The following HIVEP3 variants were observed in gnomAD, a reference collection of about 807,000 sequenced individuals.
The protein encoded by HIVEP3 is HIVEP zinc finger 3, also known as transcription factor HIVEP3.
A neutral mutation model predicts 152.8 loss-of-function variants in HIVEP3; 49 were observed. The observed-to-expected ratio is 0.32, with a 90% confidence interval of 0.26 to 0.41. HIVEP3 has a LOEUF of 0.41. Ranked by LOEUF, HIVEP3 falls within the 10% of genes least tolerant of loss-of-function variation. HIVEP3 has a pLI of 1.00. For synonymous variants in HIVEP3, 1,269 were observed against 1,289.0 expected, an observed-to-expected ratio of 0.98 and a Z score of 0.33; for missense variants, 2,790 against 3,103.3, an observed-to-expected ratio of 0.90 and a Z score of 2.40.
At chr1:41,549,857 G>A (rs1321655833) in intron 5 of HIVEP3, among the ~76,000 whole-genome samples, 1 of 152,082 alleles carries the variant, frequency 6.6e-6, no homozygotes, top group Non-Finnish European at 1.5e-5. Flanking sequence ...TTCTTTTGCC[G>A]TGCAGAAGCT....
chr1:41,626,044 T>C lies in HIVEP3; in HGVS notation c.-522+2705A>G, dbSNP rs145904202. 6.6e-5 allele frequency among the ~76,000 whole-genome samples: 10 copies of C among 152,310 alleles called. No homozygotes were observed. The East Asian group carries it at 1.7e-3, about 26-fold the overall frequency. On this transcript the variant is annotated intron_variant, in intron 3 of 8. Transcript: ENST00000372583. ...ATGAGATCTGTCCTCTAGCTTCTCA[T>C]TCAGAAAGCACATTTATTCTGGAGA...
At chr1:41,614,902 C>G (rs1644945821) in intron 3 of HIVEP3, among the ~76,000 whole-genome samples, 1 of 152,176 alleles carries the variant, frequency 6.6e-6, no homozygotes, top group Non-Finnish European at 1.5e-5. Context: ...TTCTTCCATG[C>G]TGTTTTAAGT....
intron 1 of HIVEP3, among the ~76,000 whole-genome samples, chr1:42,014,607 G>A (rs1394414530): frequency 2.0e-5 from 3 of 152,114 alleles, no homozygotes; most frequent in African/African-American, 7.2e-5. Context: ...ATGCCGATCT[G>A]TCCTCTCATT....
chr1:41,764,262 G>T (rs1321886480), intron 1 of HIVEP3, among the ~76,000 whole-genome samples: 1 of 152,202 alleles, frequency 6.6e-6, no homozygotes, highest in Non-Finnish European at 1.5e-5. Context: ...TTTTAATCTA[G>T]GAGGGGAGTG....
chr1:41,818,707 G>A (rs1642490434), intron 1 of HIVEP3, among the ~76,000 whole-genome samples: 1 of 152,176 alleles, frequency 6.6e-6, no homozygotes, highest in Admixed American at 6.5e-5. Flanking sequence ...CCCGTCTATA[G>A]GAGGAAATAG....
At chr1:41,719,108 TAA>T (rs1316929706) in intron 1 of HIVEP3, among the ~76,000 whole-genome samples, 1 of 152,162 alleles carries the variant, frequency 6.6e-6, no homozygotes. Flanking sequence ...CTGCTGCAGC[TAA>T]AGACAAGAGC....
intron 1 of HIVEP3, among the ~76,000 whole-genome samples, chr1:41,759,785 C>A (rs1647547487): frequency 6.6e-6 from 1 of 152,154 alleles, no homozygotes. Context: ...GCTGTGACAC[C>A]ATGGGTTGGT....
intron 1 of HIVEP3, among the ~76,000 whole-genome samples, chr1:41,722,882 C>T (rs1255171198): frequency 6.6e-6 from 1 of 151,908 alleles, no homozygotes; most frequent in Non-Finnish European, 1.5e-5. Context: ...GTGAGAGAAA[C>T]AGGAAGAAAG....
intron 1 of HIVEP3, among the ~76,000 whole-genome samples, chr1:41,902,074 C>T (rs1053964944): frequency 6.6e-6 from 1 of 152,080 alleles, no homozygotes; most frequent in African/African-American, 2.4e-5. Flanking sequence ...CAGAAACTAC[C>T]CACAAGAATG....
intron 1 of HIVEP3, among the ~76,000 whole-genome samples, chr1:42,007,422 G>A (rs2124527428): frequency 6.6e-6 from 1 of 152,308 alleles, no homozygotes; most frequent in Admixed American, 6.5e-5. Flanking sequence ...TTGAATGGGG[G>A]AACACCAGCT....
At chr1:41,525,007 G>T in intron 5 of HIVEP3, 97 bp from the exon 6 acceptor site, 1 of 1,166,018 alleles carries the variant, frequency 8.6e-7, no homozygotes, top group South Asian at 1.5e-5. Context: ...CATCCAGCCC[G>T]TTACAGACGC....
intron 1 of HIVEP3, among the ~76,000 whole-genome samples, chr1:41,813,069 T>C (rs766461470): frequency 6.6e-5 from 10 of 152,172 alleles, no homozygotes; most frequent in Non-Finnish European, 1.5e-4. Flanking sequence ...GATGGAGTCT[T>C]GCTCTGAAGC....
intron 1 of HIVEP3, among the ~76,000 whole-genome samples, chr1:41,746,259 C>T (rs556695466): frequency 2.6e-5 from 4 of 152,298 alleles, no homozygotes; most frequent in East Asian, 3.9e-4. Flanking sequence ...CTAATCACCT[C>T]GCATTTATTA....
intron 2 of HIVEP3, among the ~76,000 whole-genome samples, chr1:41,683,507 T>C (rs943156528): frequency 1.3e-5 from 2 of 152,212 alleles, no homozygotes; most frequent in African/African-American, 2.4e-5. Flanking sequence ...CTTCAGAATA[T>C]GGAGTCCTTA....
At chr1:41,563,341 T>C (rs920316402) in intron 5 of HIVEP3, among the ~76,000 whole-genome samples, 1 of 149,626 alleles carries the variant, frequency 6.7e-6, no homozygotes, top group African/African-American at 2.5e-5. Context: ...AGAGACTCCA[T>C]CTCAAAAAAA....
chr1:41,990,594 A>C (rs1295241667), intron 1 of HIVEP3, among the ~76,000 whole-genome samples: 1 of 148,536 alleles, frequency 6.7e-6, no homozygotes, highest in Non-Finnish European at 1.5e-5. Context: ...CAGATCAACG[A>C]GACAGAAAGT....
At chr1:41,878,138 G>A (rs753789232) in intron 1 of HIVEP3, among the ~76,000 whole-genome samples, 9 of 152,112 alleles carry the variant, frequency 5.9e-5, no homozygotes, top group Non-Finnish European at 1.2e-4. Flanking sequence ...AAGTTTCTTT[G>A]GAACCACGCA....
At chr1:41,920,163 T>G (rs1644929566), upstream of HIVEP3, among the ~76,000 whole-genome samples, 1 of 152,008 alleles carries the variant, frequency 6.6e-6, no homozygotes, top group South Asian at 2.1e-4. Flanking sequence ...GGCAGAAAAT[T>G]ATCATATTTC....
intron 1 of HIVEP3, among the ~76,000 whole-genome samples, chr1:41,994,208 ATCT>A (rs1645381582): frequency 6.6e-6 from 1 of 151,674 alleles, no homozygotes; most frequent in Non-Finnish European, 1.5e-5. Context: ...GAAGCATGTT[ATCT>A]TAGGCCTCAA....
Sources: gnomAD v4.1 joint callset for allele counts (sites outside exome capture counted in the v4.1 genomes callset) on GRCh38, gnomAD v4.1.1 for gene constraint, MANE v1.5 for transcripts, NCBI Gene and HGNC (gene_info 2026-07-23, HGNC 2026-07-21) for gene names.